The following ANK2 variants were observed in gnomAD, a reference collection of about 807,000 sequenced individuals.
ANK2 encodes the protein ankyrin 2, also known as ankyrin-2.
In ANK2, 83 loss-of-function variants were observed where a neutral mutation model predicts 360.5. The ratio of observed to expected loss-of-function variants is 0.23; its 90% CI spans 0.19 to 0.28. The LOEUF (loss-of-function observed/expected upper bound fraction) is 0.28, where lower values mean the gene tolerates loss of function less well. Among genes scored for constraint, ANK2 ranks in the 10% least tolerant of loss-of-function variants. The pLI is 1.00. For missense variants in ANK2, 4,201 were observed against 4,795.7 expected (o/e 0.88, Z 3.66); for synonymous variants, 1,740 against 1,759.5 (o/e 0.99, Z 0.28).
the ANK2 span, among the ~76,000 whole-genome samples, chr4:112,757,351 C>T: frequency 1.3e-5 from 2 of 152,196 alleles, no homozygotes; most frequent in Admixed American, 1.3e-4. Context: ...AACTCCTGAA[C>T]TCAGGTGATC....
At chr4:113,314,535 T>C (rs561169665) in intron 24 of ANK2, among the ~76,000 whole-genome samples, 4 of 152,296 alleles carry the variant, frequency 2.6e-5, no homozygotes, top group Admixed American at 2.0e-4. Flanking sequence ...TTATTATACA[T>C]TTATTAACTG....
At chr4:112,772,672 T>G in the ANK2 span, among the ~76,000 whole-genome samples, 4 of 152,318 alleles carry the variant, frequency 2.6e-5, no homozygotes, top group East Asian at 7.7e-4. Flanking sequence ...TAGCATTACC[T>G]AGGAGAAGAA....
At chr4:113,321,975 A>G (rs1241895439) in intron 26 of ANK2, among the ~76,000 whole-genome samples, 5 of 152,190 alleles carry the variant, frequency 3.3e-5, no homozygotes, top group Non-Finnish European at 7.3e-5. Context: ...CAGGTGATTC[A>G]CCTGCCTTGG....
intron 1 of ANK2, among the ~76,000 whole-genome samples, chr4:113,137,142 C>T (rs1473518075): frequency 2.0e-5 from 3 of 152,124 alleles, no homozygotes; most frequent in South Asian, 2.1e-4. Context: ...CCTAGATTTT[C>T]GCTTTTATCT....
At chr4:113,145,292 A>G (rs2096787568) in intron 1 of ANK2, among the ~76,000 whole-genome samples, 1 of 152,216 alleles carries the variant, frequency 6.6e-6, no homozygotes, top group Non-Finnish European at 1.5e-5. Context: ...AAGAGTATAC[A>G]TAAACCAAGT....
chr4:112,817,664 T>C (rs2055791278), upstream of ANK2, among the ~76,000 whole-genome samples: 1 of 151,512 alleles, frequency 6.6e-6, no homozygotes. Context: ...TATATATAGA[T>C]ATATATAAAC....
Position 113,377,971 on chromosome 4 carries a change from A to G in ANK2, c.11860-3486A>G, listed in dbSNP as rs893954822. On this transcript the variant is annotated intron_variant, in intron 45 of 45. Transcript: ENST00000357077. ...ACTTAAGTCTGCTTCTAGGAATTGT[A>G]TTTATTTATCGTTTCAAGTATATCT... The G allele has an allele frequency of 2.0e-5, 6 of 305,110 alleles. No homozygotes were observed. In the Admixed American group the frequency reaches 2.2e-4, roughly 11 times the overall value. The allele number at this position is 305,110 out of a possible 1,614,324, so 18.9% of individuals were successfully genotyped here.
upstream of ANK2, chr4:112,818,063 G>T (rs912691082): frequency 1.3e-5 from 2 of 152,256 alleles, no homozygotes; most frequent in Non-Finnish European, 2.9e-5. Flanking sequence ...AGATCATGTG[G>T]TGCTCTGTGG....
chr4:112,972,382 C>G (rs1040551122), intron 2 of ANK2, among the ~76,000 whole-genome samples: 2 of 152,074 alleles, frequency 1.3e-5, no homozygotes, highest in African/African-American at 4.8e-5. Context: ...GTGTGATGTT[C>G]CCTTCCCTGT....
intron 9 of ANK2, 152 bp from the exon 10 acceptor site, chr4:113,249,612 A>G (rs934543275): frequency 4.1e-5 from 30 of 729,700 alleles, no homozygotes; most frequent in Non-Finnish European, 5.8e-5. Flanking sequence ...TCTTTCACTC[A>G]TCTTTCTGGT....
chr4:113,253,465 T>G (rs1410245879), intron 10 of ANK2, among the ~76,000 whole-genome samples: 1 of 152,196 alleles, frequency 6.6e-6, no homozygotes, highest in Non-Finnish European at 1.5e-5. Flanking sequence ...CTTGGATGTC[T>G]CCTGGGCATC....
At chr4:112,835,122 A>G (rs942125366) in intron 1 of ANK2, among the ~76,000 whole-genome samples, 2 of 152,206 alleles carry the variant, frequency 1.3e-5, no homozygotes, top group African/African-American at 4.8e-5. Context: ...AGCCTCATCT[A>G]CCATCGACAT....
intron 2 of ANK2, among the ~76,000 whole-genome samples, chr4:112,928,511 G>C (rs937729791): frequency 6.6e-6 from 1 of 151,940 alleles, no homozygotes; most frequent in African/African-American, 2.4e-5. Context: ...TTCGTATGTC[G>C]AAGTCCTAAC....
chr4:113,306,362 G>A (rs527785082), intron 23 of ANK2, among the ~76,000 whole-genome samples: 2 of 152,264 alleles, frequency 1.3e-5, no homozygotes, highest in South Asian at 4.1e-4. Context: ...AAGTACAAGA[G>A]AGAGACACAG....
At chr4:112,777,903 C>T in the ANK2 span, among the ~76,000 whole-genome samples, 1 of 151,504 alleles carries the variant, frequency 6.6e-6, no homozygotes, top group African/African-American at 2.4e-5. Context: ...CAGGCTTGAG[C>T]CACCGCGCCC....
rs1442083102 is a variant in ANK2, at chr4:113,341,911, G to A, written c.4117G>A (p.Val1373Met). ...NFAEVARSRD[V>M]EVLEGKPIYV... is the part of the protein sequence containing the mutation. The stretch of plus-strand genomic sequence containing the variant: ...TGCTGAGGTGGCCAGAAGCAGGGAT[G>A]TGGAGGTACTGTACCAAAAATAATA... The change falls in exon 33 of 46, where the codon GTG becomes ATG. Residue 1373 changes from valine (V) to methionine (M), a missense_variant. Transcript: ENST00000357077. The A allele has an allele frequency of 1.9e-6, 3 of 1,608,330 alleles. No individual in the cohort carries two copies. The highest frequency in any genetic ancestry group is 1.7e-5 in the Admixed American group (1 of 60,008).
chr4:112,832,113 A>T (rs929153664), intron 1 of ANK2, among the ~76,000 whole-genome samples: 6 of 152,222 alleles, frequency 3.9e-5, no homozygotes, highest in African/African-American at 7.2e-5. Context: ...GCGCAGTGCT[A>T]CAATCTCAGG....
At position 113,232,180 on chromosome 4, in the gene ANK2, A is replaced by C; in HGVS notation, c.404A>C (p.Tyr135Ser). The change falls in exon 5 of 46, where the codon TAC becomes TCC. Residue 135 changes from tyrosine to serine, a missense_variant. Physicochemically the swap from Tyr to Ser is moderately radical, Grantham distance 144. Coordinates refer to ENST00000357077, the MANE Select transcript of ANK2 (RefSeq NM_001148.6). ...CCTCAGAATGGCTTTACTCCTTTATACATGGCTGCCCAAGAGAATCACATT... is the reference window on the plus strand; with the variant it reads ...CCTCAGAATGGCTTTACTCCTTTATCCATGGCTGCCCAAGAGAATCACATT... ...AQSQNGFTPL[Y>S]MAAQENHIDV... 1.2e-6 allele frequency: 2 copies of C among 1,601,128 alleles called. No homozygotes were observed. Among genetic ancestry groups the C allele is most frequent in the Non-Finnish European group, 1.7e-6 (2 of 1,168,224 alleles).
At chr4:112,884,791 TTCTG>T (rs761358631) in intron 1 of ANK2, among the ~76,000 whole-genome samples, 3 of 152,252 alleles carry the variant, frequency 2.0e-5, no homozygotes, top group Non-Finnish European at 2.9e-5. Flanking sequence ...AGCTTAATGT[TTCTG>T]TCTTTCATGA....
Sources: gnomAD v4.1 joint callset for allele counts (sites outside exome capture counted in the v4.1 genomes callset) on GRCh38, gnomAD v4.1.1 for gene constraint, MANE v1.5 for transcripts, NCBI Gene and HGNC (gene_info 2026-07-23, HGNC 2026-07-21) for gene names.